The following MATN4 variants were observed in gnomAD, a reference collection of about 807,000 sequenced individuals.
MATN4 encodes matrilin 4, also known as matrilin-4.
In MATN4, 40 loss-of-function variants were observed where a neutral mutation model predicts 54.6. The ratio of observed to expected loss-of-function variants is 0.73; its 90% CI spans 0.57 to 0.95. MATN4 has a LOEUF of 0.95. Ranked by LOEUF, MATN4 falls within the 40% of genes least tolerant of loss-of-function variation. The pLI is 0.00. For synonymous variants in MATN4, 351 were observed against 345.3 expected (o/e 1.02, Z -0.18); for missense variants, 810 against 819.1 (o/e 0.99, Z 0.13).
At chr20:45,294,712 GCCATGGACCAGTA>G (rs1985700876) in intron 8 of MATN4, among the ~76,000 whole-genome samples, 1 of 152,154 alleles carries the variant, frequency 6.6e-6, no homozygotes, top group Non-Finnish European at 1.5e-5. Context: ...CAATCCCCAG[GCCATGGACCAGTA>G]CCAGCACATT....
intron 8 of MATN4, among the ~76,000 whole-genome samples, chr20:45,295,675 TC>T (rs1392852203): frequency 1.3e-5 from 2 of 151,736 alleles, no homozygotes; most frequent in African/African-American, 4.8e-5. Context: ...CCATGAGCCA[TC>T]ATGCCCAGCT....
At chr20:45,308,137 C>T (rs201781763) in intron 1 of MATN4, 38 bp downstream of exon 1, 67 of 1,607,548 alleles carry the variant, frequency 4.2e-5, no homozygotes, top group Middle Eastern at 1.7e-4. Context: ...GCCTACTCCC[C>T]TGCAGACCCC....
intron 8 of MATN4, among the ~76,000 whole-genome samples, chr20:45,296,682 AG>A (rs1200953172): frequency 6.6e-6 from 1 of 152,160 alleles, no homozygotes; most frequent in African/African-American, 2.4e-5. Flanking sequence ...ACATAGGAAG[AG>A]CTCTGAAAGA....
At position 45,293,822 on chromosome 20, in the gene MATN4, G is replaced by A. The variant is rs765197738; in HGVS notation, c.1691C>T (p.Ala564Val). Reference protein sequence around the residue: ...GALESLTLNLAQLTARLEDLE... With the variant: ...GALESLTLNLVQLTARLEDLE... ...ATCCTCCAGGCGCGCCGTCAGCTGGGCCAGTGAGCGGTTAAGGAGGCCGTT... is the reference window on the plus strand; with the variant it reads ...ATCCTCCAGGCGCGCCGTCAGCTGGACCAGTGAGCGGTTAAGGAGGCCGTT... Residue 564 changes from alanine (A) to valine (V), a missense_variant, in exon 10 of 10, where the codon GCC (alanine) becomes GTC (valine). Ala to Val is a moderately conservative substitution (Grantham distance 64). Coordinates refer to ENST00000372756, the MANE Select transcript of MATN4 (RefSeq NM_001393530.1). 2 of 1,611,446 alleles carry A rather than the reference G, an allele frequency of 1.2e-6. No individual in the cohort carries two copies. The highest frequency in any genetic ancestry group is 2.2e-5 in the South Asian group (2 of 91,054).
At chr20:45,299,574 G>A (rs900677266) in intron 6 of MATN4, among the ~76,000 whole-genome samples, 1 of 152,136 alleles carries the variant, frequency 6.6e-6, no homozygotes, top group Non-Finnish European at 1.5e-5. Flanking sequence ...CAGCGCTTAT[G>A]AGTAAAATTA....
At chr20:45,294,211 A>C (rs1399769691) in intron 8 of MATN4, among the ~76,000 whole-genome samples, 196 bp from the exon 9 acceptor site, 2 of 152,220 alleles carry the variant, frequency 1.3e-5, no homozygotes, top group Admixed American at 1.3e-4. Context: ...CATCTATAAA[A>C]TGGATATAAT....
chr20:45,308,416 G>A (rs533773325), upstream of MATN4: 452 of 594,798 alleles, frequency 7.6e-4, 3 homozygotes, highest in African/African-American at 7.6e-3. Flanking sequence ...CTGAGGGGGG[G>A]CAAACCCAGC....
chr20:45,305,805 C>CTTT lies in MATN4; in HGVS notation c.-34-192_-34-190dup, dbSNP rs758735302. ...GGATTGCTGGGAAACACAAGAGATTCTTTTTTTTTTTTTTTTTAGATAGAG... is the reference window on the plus strand; with the variant it reads ...GGATTGCTGGGAAACACAAGAGATTCTTTTTTTTTTTTTTTTTTTTAGATAGAG... On this transcript the variant is annotated intron_variant, in intron 1 of 9. Coordinates refer to ENST00000372756, the MANE Select transcript of MATN4 (RefSeq NM_001393530.1). Among the ~76,000 whole-genome samples, 209 of 64,684 alleles carry CTTT rather than the reference C, an allele frequency of 3.2e-3. 58 individuals carry two copies. In the South Asian group the frequency reaches 0.048, roughly 15 times the overall value. 42.4% of individuals were successfully genotyped at this position (64,684 alleles called of 152,430 possible).
At position 45,304,217 on chromosome 20, in the gene MATN4, T is replaced by A; in HGVS notation, c.643+11A>T. 3.3e-6 allele frequency: 5 copies of A among 1,493,744 alleles called. No individual in the cohort carries two copies. The highest frequency in any genetic ancestry group is 4.4e-6 in the Non-Finnish European group (5 of 1,124,782). The allele number at this position is 1,493,744 out of a possible 1,614,324, so 92.5% of individuals were successfully genotyped here. On this transcript the variant is annotated intron_variant, in intron 3 of 9. Coordinates refer to ENST00000372756, the MANE Select transcript of MATN4 (RefSeq NM_001393530.1). ...GAGTTCGAGCTTCACTCCAGCGCCCTCCTAACTCACCACACAGCCGGCTCT... is the reference window on the plus strand; with the variant it reads ...GAGTTCGAGCTTCACTCCAGCGCCCACCTAACTCACCACACAGCCGGCTCT...
chr20:45,298,260 C>G lies in MATN4; in HGVS notation c.1336G>C (p.Ala446Pro), dbSNP rs952513884. ...FSEAQGARPR[A>P]LNVPRVGLVF... ...AGGCCAACACGAGGCACGTTAAGGGCACGGGGCCGTGCACCCTGCGCCTCG... is the reference window on the plus strand; with the variant it reads ...AGGCCAACACGAGGCACGTTAAGGGGACGGGGCCGTGCACCCTGCGCCTCG... Residue 446 changes from alanine to proline, a missense_variant, in exon 7 of 10, where the codon GCC (alanine) becomes CCC (proline). Physicochemically the swap from Ala to Pro is conservative, Grantham distance 27. Transcript: ENST00000372756. The surrounding 1 kb of genome is among the most constrained non-coding windows in gnomAD (Gnocchi z 4.6). The G allele has an allele frequency of 9.9e-6, 16 of 1,613,178 alleles. No homozygotes were observed. In the Admixed American group the frequency reaches 2.7e-4, roughly 27 times the overall value.
In MATN4 at chr20:45,298,639, G is replaced by A. The variant is rs2233102; in HGVS notation, c.1013-56C>T. On this transcript the variant is annotated intron_variant, in intron 6 of 9. Transcript: ENST00000372756. This position sits in a 1 kb window ranked among gnomAD's most constrained non-coding sequence, Gnocchi z 4.6. ...ACCAGATTCTGGACTGGCAGCAGCT[G>A]TCTATCCATCTAGTCGTTCATTCGC... The A allele has an allele frequency of 1.3e-3, 1,749 of 1,396,450 alleles. 37 individuals are homozygous for A. In the East Asian group the frequency reaches 0.037, roughly 29 times the overall value. The allele number at this position is 1,396,450 out of a possible 1,614,324, so 86.5% of individuals were successfully genotyped here. A position where few individuals can be genotyped will look rare whatever the true frequency, so the allele number is the denominator to read the frequency against.
chr20:45,299,421 A>T (rs1309811453), intron 6 of MATN4, among the ~76,000 whole-genome samples: 2 of 152,174 alleles, frequency 1.3e-5, no homozygotes, highest in Non-Finnish European at 2.9e-5. Flanking sequence ...CATGGAGATG[A>T]TGGCCTTCTA....
rs1388167552 is a variant in MATN4 at position 45,298,014 on chromosome 20, T to G, written c.1483A>C (p.Ile495Leu). 3.1e-6 allele frequency: 5 copies of G among 1,613,904 alleles called. No homozygotes were observed. Among genetic ancestry groups the G allele is most frequent in the Non-Finnish European group, 4.2e-6 (5 of 1,179,992 alleles). ...TGCAGTTCCGCTGGCTCCGAGGCGA[T>G]CTCGCGCAGCTCCGCCTCCACCGCC... The part of the protein sequence containing the change: ...GKAVEAELRE[I>L]ASEPAELHVS... The change falls in exon 8 of 10, where the codon ATC becomes CTC. Residue 495 changes from isoleucine (I) to leucine (L), a missense_variant. Transcript: ENST00000372756. This position sits in a 1 kb window ranked among gnomAD's most constrained non-coding sequence, Gnocchi z 4.6.
intron 5 of MATN4, 41 bp from the exon 6 acceptor site, chr20:45,301,050 CA>C (rs1333101397): frequency 6.2e-7 from 1 of 1,614,054 alleles, no homozygotes; most frequent in African/African-American, 1.3e-5. Context: ...GGATGGACCC[CA>C]CCAGCTAAGA....
upstream of MATN4, chr20:45,308,341 C>T (rs879143455): frequency 1.7e-5 from 15 of 866,788 alleles, no homozygotes; most frequent in South Asian, 5.6e-5. Context: ...CCAGGGCTGG[C>T]GGGTGGGGAG....
chr20:45,295,600 G>A (rs1009270281), intron 8 of MATN4, among the ~76,000 whole-genome samples: 4 of 152,004 alleles, frequency 2.6e-5, no homozygotes, highest in Non-Finnish European at 4.4e-5. Flanking sequence ...TGTTAGCCAG[G>A]ATGGTCTCGA....
rs766855560 is a variant in MATN4, at chr20:45,298,219, GCCATCCGTGAAGA to G, written c.1364_1376del (p.Val455AlafsTer55). ...ACACCGAGATGTCATCCTGGGAGCGGCCATCCGTGAAGACCAGGCCAACACGAGGCACGTTAAG... is the reference window on the plus strand; with the variant it reads ...ACACCGAGATGTCATCCTGGGAGCGGCCAGGCCAACACGAGGCACGTTAAG... On this transcript the variant is annotated frameshift_variant, in exon 7 of 10. Coordinates refer to ENST00000372756, the MANE Select transcript of MATN4 (RefSeq NM_001393530.1). LOFTEE classifies it high-confidence loss of function. This position sits in a 1 kb window ranked among gnomAD's most constrained non-coding sequence, Gnocchi z 4.6. 1 of 1,605,450 alleles carries G rather than the reference GCCATCCGTGAAGA, an allele frequency of 6.2e-7. No homozygotes were observed. Among genetic ancestry groups the G allele is most frequent in the Admixed American group, 1.7e-5 (1 of 59,712 alleles).
chr20:45,308,029 G>C (rs1033743035), intron 1 of MATN4, 146 bp downstream of exon 1: 1 of 686,256 alleles, frequency 1.5e-6, no homozygotes, highest in African/African-American at 1.8e-5. Context: ...GGCTCGATTT[G>C]GAAAGGACCC....
At chr20:45,305,808 T>TTTTTTTTTTTTTTTTTTTTTTTTTTTTG (rs1206328580) in intron 1 of MATN4, among the ~76,000 whole-genome samples, 192 bp from the exon 2 acceptor site, 1 of 106,326 alleles carries the variant, frequency 9.4e-6, no homozygotes, top group East Asian at 3.5e-4. Context: ...AGAGATTCTT[T>TTTTTTTTTTTTTTTTTTTTTTTTTTTTG]TTTTTTTTTT....
Sources: allele counts gnomAD v4.1 joint callset (sites outside exome capture counted in the v4.1 genomes callset), GRCh38; gene constraint gnomAD v4.1.1; non-coding constraint Gnocchi (gnomAD v3.1); transcripts MANE v1.5; gene names NCBI Gene and HGNC (gene_info 2026-07-23, HGNC 2026-07-21).